Variants in PRICKLE1 observed in about 807,000 individuals in gnomAD.
PRICKLE1 encodes the protein prickle planar cell polarity protein 1.
Under a neutral mutation model 70.2 loss-of-function variants are expected in PRICKLE1, and 14 were observed. The ratio of observed to expected loss-of-function variants is 0.20; its 90% CI spans 0.13 to 0.31. PRICKLE1 has a LOEUF of 0.31. Ranked by LOEUF, PRICKLE1 falls within the 10% of genes least tolerant of loss-of-function variation. The pLI, the probability that PRICKLE1 is intolerant of heterozygous loss-of-function variation, is 1.00. For synonymous variants in PRICKLE1, 357 were observed against 379.9 expected (o/e 0.94, Z 0.70); for missense variants, 821 against 1,026.2 (o/e 0.80, Z 2.73).
chr12:42,487,555 C>T (rs1263545753), intron 1 of PRICKLE1, among the ~76,000 whole-genome samples: 1 of 152,182 alleles, frequency 6.6e-6, no homozygotes, highest in African/African-American at 2.4e-5. Flanking sequence ...GAGGTAAACT[C>T]TCCCTTCACA....
intron 1 of PRICKLE1, among the ~76,000 whole-genome samples, chr12:42,569,733 A>G (rs941725216): frequency 1.3e-5 from 2 of 152,202 alleles, no homozygotes; most frequent in African/African-American, 4.8e-5. Context: ...AACAAGACCA[A>G]TTAACTCCTT....
In PRICKLE1 at chr12:42,560,103, AATTATTATTATTATT is replaced by A. The variant is rs35742688; in HGVS notation, c.-49+29347_-49+29361del. Among the ~76,000 whole-genome samples the A allele has an allele frequency of 1.1e-3, 160 of 139,884 alleles. 2 individuals carry two copies. Among genetic ancestry groups the A allele is most frequent in the African/African-American group, 2.9e-3 (114 of 38,974 alleles). 91.8% of individuals were successfully genotyped at this position (139,884 alleles called of 152,430 possible). On this transcript the variant is annotated intron_variant, in intron 1 of 7. Coordinates refer to ENST00000345127, the MANE Select transcript of PRICKLE1 (RefSeq NM_153026.3). ...CACAGATAATTGGGAAATCTCCTTT[AATTATTATTATTATT>A]ATTATTATTATTATTATTATTATTA...
At chr12:42,539,251 A>G (rs903677788) in intron 1 of PRICKLE1, among the ~76,000 whole-genome samples, 2 of 152,098 alleles carry the variant, frequency 1.3e-5, no homozygotes, top group Non-Finnish European at 2.9e-5. Context: ...GTGGATCACG[A>G]GGTCAGGAGA....
intron 1 of PRICKLE1, among the ~76,000 whole-genome samples, chr12:42,489,279 T>C (rs1049332145): frequency 1.3e-5 from 2 of 151,896 alleles, no homozygotes; most frequent in Admixed American, 6.6e-5. Context: ...CCTATAAATA[T>C]TTATTTATTT....
chr12:42,578,743 T>TTTTATTTATTTA (rs10699517), intron 1 of PRICKLE1, among the ~76,000 whole-genome samples: 41,491 of 146,028 alleles, frequency 0.28, 6,582 homozygotes, highest in East Asian at 0.37. Flanking sequence ...GTTTATTTCA[T>TTTTATTTATTTA]TTTATTTATT....
In PRICKLE1 at chr12:42,470,084, C is replaced by A. The variant is rs976214239; in HGVS notation, c.246+162G>T. 11 of 631,384 alleles carry A rather than the reference C, an allele frequency of 1.7e-5. No individual in the cohort carries two copies. The African/African-American group carries it at 1.8e-4, about 11-fold the overall frequency. 39.1% of individuals were successfully genotyped at this position (631,384 alleles called of 1,614,324 possible). A position where few individuals can be genotyped will look rare whatever the true frequency, so the allele number is the denominator to read the frequency against. ...TACACTGATACTCTTTTCTCTCTTT[C>A]TCTCAAAGAATGGAAAGCTGTATTC... On this transcript the variant is annotated intron_variant, in intron 3 of 7. Coordinates refer to ENST00000345127, the MANE Select transcript of PRICKLE1 (RefSeq NM_153026.3).
At position 42,519,193 on chromosome 12, in the gene PRICKLE1, CTTTTTTTT is replaced by C. The variant is rs11342397; in HGVS notation, c.-48-46637_-48-46630del. Among the ~76,000 whole-genome samples, 352 of 99,222 alleles carry C rather than the reference CTTTTTTTT, an allele frequency of 3.5e-3. 1 individual carries two copies. Among genetic ancestry groups the C allele is most frequent in the African/African-American group, 0.013 (343 of 26,320 alleles). 65.1% of individuals were successfully genotyped at this position (99,222 alleles called of 152,430 possible). The stretch of plus-strand genomic sequence containing the variant: ...TACTGAATTTCCTTTCCTTTTTTTC[CTTTTTTTT>C]TTTTTTTTTTTTGAGATGGTGTGTT... On this transcript the variant is annotated intron_variant, in intron 1 of 7. Coordinates refer to ENST00000345127, the MANE Select transcript of PRICKLE1 (RefSeq NM_153026.3).
At chr12:42,559,892 T>C (rs1200566980) in intron 1 of PRICKLE1, among the ~76,000 whole-genome samples, 8 of 151,718 alleles carry the variant, frequency 5.3e-5, no homozygotes, top group Non-Finnish European at 1.5e-5. Context: ...GGTGTGAAGT[T>C]TGGAGCCTGT....
At chr12:42,560,830 A>G (rs1278949322) in intron 1 of PRICKLE1, among the ~76,000 whole-genome samples, 2 of 151,302 alleles carry the variant, frequency 1.3e-5, no homozygotes, top group Admixed American at 1.3e-4. Flanking sequence ...AACAAAAAAC[A>G]CATGCTCTAT....
At chr12:42,558,981 AGCTTTCAGGCT>A (rs1392966603) in intron 1 of PRICKLE1, among the ~76,000 whole-genome samples, 5 of 152,228 alleles carry the variant, frequency 3.3e-5, no homozygotes, top group Non-Finnish European at 7.3e-5. Context: ...AACAAGTCCT[AGCTTTCAGGCT>A]GCAATATACA....
chr12:42,521,979 C>CT lies in PRICKLE1; in HGVS notation c.-48-49416dup, dbSNP rs548219588. 9.8e-3 allele frequency among the ~76,000 whole-genome samples: 1,172 copies of CT among 119,918 alleles called. 24 individuals are homozygous for CT. The highest frequency in any genetic ancestry group is 0.028 in the African/African-American group (950 of 33,996). 78.7% of individuals were successfully genotyped at this position (119,918 alleles called of 152,430 possible). ...GTGTGTGTGTGTGTGTGTTTAACTTCTTTTTTTTTTTTTTTGACAGAGTTT... is the reference window on the plus strand; with the variant it reads ...GTGTGTGTGTGTGTGTGTTTAACTTCTTTTTTTTTTTTTTTTGACAGAGTTT... On this transcript the variant is annotated intron_variant, in intron 1 of 7. Transcript: ENST00000345127.
In PRICKLE1 at chr12:42,512,466, GTGCCCAGC is replaced by G. The variant is rs376292604; in HGVS notation, c.-48-39910_-48-39903del. ...GCGGGGATTACAGGCATGAGGCACC[GTGCCCAGC>G]TGGACATTGTGTTTTTATCAAGTAA... On this transcript the variant is annotated intron_variant, in intron 1 of 7. Transcript: ENST00000345127. 2.7e-3 allele frequency among the ~76,000 whole-genome samples: 414 copies of G among 152,264 alleles called. 1 individual carries two copies. The highest frequency in any genetic ancestry group is 9.3e-3 in the African/African-American group (388 of 41,538).
chr12:42,541,184 A>T (rs1047879123), intron 1 of PRICKLE1, among the ~76,000 whole-genome samples: 3 of 152,140 alleles, frequency 2.0e-5, no homozygotes, highest in Non-Finnish European at 4.4e-5. Context: ...TGAGGTCCAG[A>T]TAGCTCAGAA....
At chr12:42,531,921 G>A (rs1939924482) in intron 1 of PRICKLE1, among the ~76,000 whole-genome samples, 1 of 152,124 alleles carries the variant, frequency 6.6e-6, no homozygotes, top group Non-Finnish European at 1.5e-5. Flanking sequence ...ACTTTAGGAG[G>A]CCGAAGTGGG....
At position 42,569,130 on chromosome 12, in the gene PRICKLE1, G is replaced by A. The variant is rs114103777; in HGVS notation, c.-49+20335C>T. Reference sequence around the variant, plus strand: ...ACAGCTGCATAATTTTTCACTTAATGGATATACCATCATTTTTCCCTAGCT... The same window carrying A: ...ACAGCTGCATAATTTTTCACTTAATAGATATACCATCATTTTTCCCTAGCT... On this transcript the variant is annotated intron_variant, in intron 1 of 7. Coordinates refer to ENST00000345127, the MANE Select transcript of PRICKLE1 (RefSeq NM_153026.3). Among the ~76,000 whole-genome samples the A allele has an allele frequency of 4.3e-3, 650 of 152,092 alleles. 3 individuals carry two copies. Among genetic ancestry groups the A allele is most frequent in the African/African-American group, 0.015 (625 of 41,474 alleles).
chr12:42,479,833 T>C (rs761163818), intron 1 of PRICKLE1, among the ~76,000 whole-genome samples: 2 of 151,956 alleles, frequency 1.3e-5, no homozygotes, highest in African/African-American at 2.4e-5. Context: ...CGCATGTCTG[T>C]AATCCCAGTA....
intron 1 of PRICKLE1, among the ~76,000 whole-genome samples, chr12:42,563,203 G>A (rs968683198): frequency 3.0e-4 from 46 of 151,136 alleles, no homozygotes; most frequent in African/African-American, 1.1e-3. Context: ...AATTTTTTTT[G>A]AACAGGACAA....
intron 1 of PRICKLE1, among the ~76,000 whole-genome samples, chr12:42,500,296 T>A (rs1304143237): frequency 6.6e-6 from 1 of 152,238 alleles, no homozygotes; most frequent in Admixed American, 6.5e-5. Flanking sequence ...TTTCTATAGA[T>A]ACAAAATCAT....
intron 1 of PRICKLE1, among the ~76,000 whole-genome samples, chr12:42,539,329 G>T (rs548363481): frequency 2.6e-5 from 4 of 152,056 alleles, no homozygotes; most frequent in Admixed American, 2.6e-4. Flanking sequence ...TTAGCCGGGC[G>T]TGGGGGTGGG....
Sources: gnomAD v4.1 joint callset for allele counts (sites outside exome capture counted in the v4.1 genomes callset) on GRCh38, gnomAD v4.1.1 for gene constraint, MANE v1.5 for transcripts, NCBI Gene and HGNC (gene_info 2026-07-23, HGNC 2026-07-21) for gene names.